Variants in SOX5 observed in about 807,000 individuals in gnomAD.
SOX5 encodes the protein transcription factor SOX-5.
In SOX5, 9 loss-of-function variants were observed where a neutral mutation model predicts 92.0. The observed-to-expected ratio is 0.10, with a 90% confidence interval of 0.06 to 0.17. The LOEUF is 0.17. Among genes scored for constraint, SOX5 ranks in the 10% least tolerant of loss-of-function variants. SOX5 has a pLI of 1.00. For synonymous variants in SOX5, 344 were observed against 336.3 expected, an observed-to-expected ratio of 1.02 and a Z score of -0.25; for missense variants, 642 against 944.5, an observed-to-expected ratio of 0.68 and a Z score of 4.20.
chr12:24,005,014 A>G (rs1280582493), intron 4 of SOX5, among the ~76,000 whole-genome samples: 1 of 152,146 alleles, frequency 6.6e-6, no homozygotes, highest in Admixed American at 6.6e-5. Context: ...GCAAAGCCAG[A>G]AGACTACATA....
intron 3 of SOX5, among the ~76,000 whole-genome samples, chr12:23,808,783 G>C (rs1279818150): frequency 6.6e-6 from 1 of 152,020 alleles, no homozygotes; most frequent in Non-Finnish European, 1.5e-5. Flanking sequence ...AATGTCTTTA[G>C]TTTTTCTGTA....
chr12:24,053,938 C>A (rs145878629), intron 4 of SOX5, among the ~76,000 whole-genome samples: 1 of 152,156 alleles, frequency 6.6e-6, no homozygotes, highest in Non-Finnish European at 1.5e-5. Context: ...AAGTGACTTG[C>A]GCAAAGCCTT....
intron 2 of SOX5, among the ~76,000 whole-genome samples, chr12:23,868,095 C>G (rs992422765): frequency 6.6e-6 from 1 of 151,658 alleles, no homozygotes; most frequent in Non-Finnish European, 1.5e-5. Context: ...CTCCTTCCTT[C>G]CCTCCCTTCT....
chr12:23,906,161 C>G, intron 1 of SOX5, among the ~76,000 whole-genome samples: 1 of 152,180 alleles, frequency 6.6e-6, no homozygotes, highest in East Asian at 1.9e-4. Flanking sequence ...TATTGTTATA[C>G]ATTTGTCATT....
At chr12:23,535,806 A>C (rs907783512) in intron 14 of SOX5, among the ~76,000 whole-genome samples, 1 of 152,224 alleles carries the variant, frequency 6.6e-6, no homozygotes, top group Non-Finnish European at 1.5e-5. Flanking sequence ...TTCAAATATG[A>C]ACAACTTTAT....
intron 2 of SOX5, among the ~76,000 whole-genome samples, chr12:23,885,848 AT>A (rs2097058443): frequency 2.1e-5 from 3 of 142,562 alleles, no homozygotes; most frequent in Admixed American, 7.1e-5. Flanking sequence ...GGGAAAAAAA[AT>A]TGCTTTCCAA....
rs71059931 is a variant in SOX5 at position 23,843,554 on chromosome 12, C to CTTTTTTTT, written c.481+2421_481+2428dup. Among the ~76,000 whole-genome samples the CTTTTTTTT allele has an allele frequency of 1.0e-3, 73 of 71,332 alleles. 12 individuals carry two copies. Among genetic ancestry groups the CTTTTTTTT allele is most frequent in the East Asian group, 5.6e-3 (9 of 1,614 alleles). 46.8% of individuals were successfully genotyped at this position (71,332 alleles called of 152,430 possible). Reference sequence around the variant, plus strand: ...TCAGAATATTTGACAGTCATTTCTCCTTTTTTTTTTTTTTTTTTTTTTTTT... The same window carrying CTTTTTTTT: ...TCAGAATATTTGACAGTCATTTCTCCTTTTTTTTTTTTTTTTTTTTTTTTTTTTTTTTT... On this transcript the variant is annotated intron_variant, in intron 3 of 14. Transcript: ENST00000451604.
intron 2 of SOX5, among the ~76,000 whole-genome samples, chr12:24,311,407 T>C (rs1443200643): frequency 6.6e-6 from 1 of 152,186 alleles, no homozygotes; most frequent in East Asian, 1.9e-4. Context: ...GTGTCAGGTA[T>C]GACTCTTGCA....
intron 4 of SOX5, among the ~76,000 whole-genome samples, chr12:23,965,516 T>C (rs1370719007): frequency 1.3e-5 from 2 of 152,156 alleles, no homozygotes; most frequent in African/African-American, 2.4e-5. Flanking sequence ...TCTGTGCTAG[T>C]GCTTCCCATC....
At chr12:24,190,601 G>T (rs1340412258) in intron 4 of SOX5, among the ~76,000 whole-genome samples, 2 of 152,138 alleles carry the variant, frequency 1.3e-5, no homozygotes, top group Non-Finnish European at 2.9e-5. Flanking sequence ...TGACACTATA[G>T]ACATTCTCTG....
At chr12:24,110,107 C>T (rs889783958) in intron 4 of SOX5, among the ~76,000 whole-genome samples, 2 of 152,206 alleles carry the variant, frequency 1.3e-5, no homozygotes, top group African/African-American at 4.8e-5. Context: ...CTATAAGAGG[C>T]TACCACTTAC....
chr12:24,411,841 T>C (rs1964149227), intron 1 of SOX5, among the ~76,000 whole-genome samples: 2 of 152,144 alleles, frequency 1.3e-5, no homozygotes, highest in South Asian at 2.1e-4. Context: ...CTGGGGGAGA[T>C]TGTTTAGGGC....
chr12:24,117,030 C>T (rs960526131), intron 4 of SOX5, among the ~76,000 whole-genome samples: 42 of 148,814 alleles, frequency 2.8e-4, no homozygotes, highest in African/African-American at 9.6e-4. Context: ...AGACCGCCCA[C>T]GAGTTGAGAG....
chr12:24,136,988 C>T (rs1950164390), intron 4 of SOX5, among the ~76,000 whole-genome samples: 1 of 152,188 alleles, frequency 6.6e-6, no homozygotes, highest in South Asian at 2.1e-4. Context: ...AAAAATATCA[C>T]TCACTCCTGA....
At chr12:23,762,500 T>C (rs560620106) in intron 3 of SOX5, 2 of 442,036 alleles carry the variant, frequency 4.5e-6, no homozygotes, top group East Asian at 6.9e-5. Flanking sequence ...GCTTTATTTT[T>C]ATATGTGATT....
chr12:24,105,066 T>C (rs1281783288), intron 4 of SOX5, among the ~76,000 whole-genome samples: 1 of 152,228 alleles, frequency 6.6e-6, no homozygotes, highest in African/African-American at 2.4e-5. Context: ...GCCATCATTT[T>C]GGTCCATCTG....
chr12:23,811,080 G>C (rs2095867969), intron 3 of SOX5, among the ~76,000 whole-genome samples: 1 of 152,056 alleles, frequency 6.6e-6, no homozygotes, highest in Non-Finnish European at 1.5e-5. Flanking sequence ...TTCCTCAAAA[G>C]ATGCTTGTAA....
At chr12:24,117,881 G>T (rs1289823606) in intron 4 of SOX5, among the ~76,000 whole-genome samples, 1 of 151,768 alleles carries the variant, frequency 6.6e-6, no homozygotes, top group African/African-American at 2.4e-5. Context: ...TTAGCTGGGC[G>T]TGATGGCGGG....
intron 7 of SOX5, among the ~76,000 whole-genome samples, chr12:23,652,442 C>A (rs909990512): frequency 6.6e-6 from 1 of 151,590 alleles, no homozygotes; most frequent in South Asian, 2.1e-4. Flanking sequence ...TGATCTTATC[C>A]AATCTCATGG....
Sources: gnomAD v4.1 joint callset for allele counts (sites outside exome capture counted in the v4.1 genomes callset) on GRCh38, gnomAD v4.1.1 for gene constraint, MANE v1.5 for transcripts, NCBI Gene and HGNC (gene_info 2026-07-23, HGNC 2026-07-21) for gene names.